Variants in CCSER1 observed in about 807,000 individuals in gnomAD.
The protein encoded by CCSER1 is serine-rich coiled-coil domain-containing protein 1.
A neutral mutation model predicts 82.0 loss-of-function variants in CCSER1; 41 were observed. The ratio of observed to expected loss-of-function variants is 0.50; its 90% CI spans 0.39 to 0.65. The LOEUF (loss-of-function observed/expected upper bound fraction) is 0.65. Among genes scored for constraint, CCSER1 ranks in the 30% least tolerant of loss-of-function variants. CCSER1 has a pLI of 0.00. For synonymous variants in CCSER1, 414 were observed against 383.9 expected (o/e 1.08, Z -0.92); for missense variants, 1,119 against 1,064.2 (o/e 1.05, Z -0.72).
chr4:90,521,002 T>C (rs1773038906), intron 5 of CCSER1, among the ~76,000 whole-genome samples: 1 of 152,214 alleles, frequency 6.6e-6, no homozygotes, highest in Non-Finnish European at 1.5e-5. Context: ...CCAAGCTAGA[T>C]GTAGCATAAT....
chr4:91,057,785 A>G (rs1561509790), intron 9 of CCSER1, among the ~76,000 whole-genome samples: 1 of 152,128 alleles, frequency 6.6e-6, no homozygotes, highest in Non-Finnish European at 1.5e-5. Flanking sequence ...TGCAATTAGA[A>G]TGACTACTTT....
At chr4:91,317,642 A>C (rs1745927354) in intron 10 of CCSER1, among the ~76,000 whole-genome samples, 1 of 147,436 alleles carries the variant, frequency 6.8e-6, no homozygotes, top group South Asian at 2.2e-4. Flanking sequence ...GGGTGCATGC[A>C]TAATCTAAGG....
chr4:90,636,646 G>T (rs1171306143), intron 6 of CCSER1, among the ~76,000 whole-genome samples: 1 of 151,992 alleles, frequency 6.6e-6, no homozygotes, highest in Non-Finnish European at 1.5e-5. Flanking sequence ...TTGAAAAATT[G>T]AAAACCAATT....
chr4:90,252,303 A>G (rs1010166262), intron 1 of CCSER1, among the ~76,000 whole-genome samples: 5 of 151,906 alleles, frequency 3.3e-5, no homozygotes, highest in Non-Finnish European at 5.9e-5. Flanking sequence ...CTCAACCTAT[A>G]TATGTTTATG....
intron 8 of CCSER1, among the ~76,000 whole-genome samples, chr4:90,862,030 A>G (rs900033267): frequency 4.6e-5 from 7 of 151,076 alleles, no homozygotes; most frequent in African/African-American, 1.5e-4. Context: ...ATGTTTTGAT[A>G]AAGAAATATA....
rs1215159826 is a variant in CCSER1 at position 90,845,938 on chromosome 4, G to GT, written c.2094+30094dup. ...CCACTATACAAATGCTGAGTCATTA[G>GT]TGTCATAGTGCTGTGTCTATTTATA... On this transcript the variant is annotated intron_variant, in intron 8 of 10. Transcript: ENST00000509176. Among the ~76,000 whole-genome samples the GT allele has an allele frequency of 2.6e-5, 4 of 151,760 alleles. No homozygotes were observed. In the East Asian group the frequency reaches 7.7e-4, roughly 29 times the overall value.
chr4:90,385,969 CAAG>C (rs368940591), intron 3 of CCSER1, among the ~76,000 whole-genome samples: 108 of 152,096 alleles, frequency 7.1e-4, no homozygotes, highest in Non-Finnish European at 1.4e-3. Flanking sequence ...AAGATCTCTA[CAAG>C]AAGAACTCCA....
intron 10 of CCSER1, among the ~76,000 whole-genome samples, chr4:91,171,147 T>G (rs1732706643): frequency 6.6e-6 from 1 of 152,176 alleles, no homozygotes; most frequent in Non-Finnish European, 1.5e-5. Flanking sequence ...ATTATCACAT[T>G]CAAAACAGGG....
chr4:90,197,874 C>A (rs1054815319), intron 1 of CCSER1, among the ~76,000 whole-genome samples: 12 of 151,514 alleles, frequency 7.9e-5, no homozygotes, highest in African/African-American at 2.9e-4. Flanking sequence ...ACTATAGGCA[C>A]AACAGGGTGC....
intron 10 of CCSER1, among the ~76,000 whole-genome samples, chr4:91,214,976 T>A (rs991489928): frequency 6.6e-6 from 1 of 152,068 alleles, no homozygotes; most frequent in African/African-American, 2.4e-5. Context: ...AAATATCTTC[T>A]TGTCTACAGA....
At chr4:90,162,999 A>T (rs1225772303) in intron 1 of CCSER1, among the ~76,000 whole-genome samples, 1 of 152,130 alleles carries the variant, frequency 6.6e-6, no homozygotes, top group East Asian at 1.9e-4. Flanking sequence ...CACAACTCCA[A>T]GATTATTTTT....
At chr4:90,333,477 A>G (rs1312873266) in intron 3 of CCSER1, among the ~76,000 whole-genome samples, 1 of 152,212 alleles carries the variant, frequency 6.6e-6, no homozygotes, top group Non-Finnish European at 1.5e-5. Context: ...GAAGAAAAAA[A>G]CAAACAGAAA....
intron 3 of CCSER1, among the ~76,000 whole-genome samples, chr4:90,348,474 G>A (rs911996214): frequency 1.3e-5 from 2 of 151,756 alleles, no homozygotes; most frequent in African/African-American, 4.8e-5. Context: ...ATCTCAATAG[G>A]GCAAATTTTT....
chr4:91,581,739 G>C (rs775683629), intron 10 of CCSER1, among the ~76,000 whole-genome samples: 3 of 151,562 alleles, frequency 2.0e-5, no homozygotes, highest in Non-Finnish European at 4.4e-5. Flanking sequence ...ATTTACTGCA[G>C]AGTTTCTCAA....
At chr4:90,663,915 G>A in intron 6 of CCSER1, 2 of 336,218 alleles carry the variant, frequency 5.9e-6, no homozygotes, top group East Asian at 9.1e-5. Flanking sequence ...TTGTATGAAA[G>A]TGAAGCTAAT....
At position 91,518,350 on chromosome 4, in the gene CCSER1, G is replaced by T. The variant is rs1760264687; in HGVS notation, c.2218-80222G>T. ...AGGAGGTGTCTGGTTATGAGCAGGG[G>T]GTTTGGGTGGGACCCATGGGAGACA... On this transcript the variant is annotated intron_variant, in intron 10 of 10. Coordinates refer to ENST00000509176, the MANE Select transcript of CCSER1 (RefSeq NM_001145065.2). Among the ~76,000 whole-genome samples, 4 of 152,188 alleles carry T rather than the reference G, an allele frequency of 2.6e-5. No individual in the cohort carries two copies. The South Asian group carries it at 8.3e-4, about 32-fold the overall frequency.
intron 5 of CCSER1, among the ~76,000 whole-genome samples, chr4:90,627,500 A>C (rs1418719653): frequency 2.0e-5 from 3 of 152,088 alleles, no homozygotes; most frequent in Admixed American, 6.6e-5. Context: ...TGTTTTTATA[A>C]ATATTCTGAA....
intron 10 of CCSER1, among the ~76,000 whole-genome samples, chr4:91,440,215 G>T (rs949461549): frequency 2.6e-5 from 4 of 152,024 alleles, no homozygotes; most frequent in African/African-American, 9.7e-5. Context: ...ATAGTTGGAG[G>T]TAAAACTCTC....
At chr4:90,202,612 G>C (rs1238404111) in intron 1 of CCSER1, among the ~76,000 whole-genome samples, 1 of 152,190 alleles carries the variant, frequency 6.6e-6, no homozygotes, top group Non-Finnish European at 1.5e-5. Context: ...GTATCCTATA[G>C]AATATAGGCT....
Sources: allele counts gnomAD v4.1 joint callset (sites outside exome capture counted in the v4.1 genomes callset), GRCh38; gene constraint gnomAD v4.1.1; transcripts MANE v1.5; gene names NCBI Gene and HGNC (gene_info 2026-07-23, HGNC 2026-07-21).